SH3BP5: variants seen among roughly 807,000 people sequenced by gnomAD.
SH3BP5 encodes the protein SH3 domain-binding protein 5.
A neutral mutation model predicts 43.3 loss-of-function variants in SH3BP5; 22 were observed. The ratio of observed to expected loss-of-function variants is 0.51; its 90% CI spans 0.36 to 0.73. The LOEUF (loss-of-function observed/expected upper bound fraction) is 0.73. Among genes scored for constraint, SH3BP5 ranks in the 30% least tolerant of loss-of-function variants. SH3BP5 has a pLI of 0.00. For synonymous variants in SH3BP5, 255 were observed against 225.8 expected (o/e 1.13, Z -1.16); for missense variants, 529 against 586.9 (o/e 0.90, Z 1.02).
chr3:15,275,476 C>A (rs1354351150), intron 3 of SH3BP5, among the ~76,000 whole-genome samples: 1 of 152,202 alleles, frequency 6.6e-6, no homozygotes. Context: ...GTATTTAATA[C>A]ATTATTTGAA....
At chr3:15,326,657 C>T (rs909728917) in intron 2 of SH3BP5, among the ~76,000 whole-genome samples, 1 of 152,224 alleles carries the variant, frequency 6.6e-6, no homozygotes, top group Admixed American at 6.5e-5. Flanking sequence ...CCGACATACA[C>T]AGGAGCGACG....
At chr3:15,263,246 C>T (rs914662169) in intron 4 of SH3BP5, among the ~76,000 whole-genome samples, 2 of 152,238 alleles carry the variant, frequency 1.3e-5, no homozygotes, top group African/African-American at 4.8e-5. Flanking sequence ...TCCTCCCGTT[C>T]ACACCTTGGG....
intron 3 of SH3BP5, among the ~76,000 whole-genome samples, chr3:15,295,395 G>T (rs1230465258): frequency 6.6e-6 from 1 of 152,216 alleles, no homozygotes; most frequent in Non-Finnish European, 1.5e-5. Context: ...CTGCCTTCTT[G>T]TTTTGGCTCT....
At chr3:15,316,803 G>A (rs1267687346) in intron 2 of SH3BP5, among the ~76,000 whole-genome samples, 1 of 151,764 alleles carries the variant, frequency 6.6e-6, no homozygotes, top group Non-Finnish European at 1.5e-5. Context: ...AAACGTGACA[G>A]CAAGCACAGG....
chr3:15,330,073 A>T (rs896580423), intron 2 of SH3BP5, among the ~76,000 whole-genome samples: 11 of 152,388 alleles, frequency 7.2e-5, no homozygotes, highest in Non-Finnish European at 1.5e-4. Context: ...AGGACAGGAA[A>T]GTCAAGAAAT....
intron 2 of SH3BP5, among the ~76,000 whole-genome samples, chr3:15,309,834 C>T (rs1403208108): frequency 6.6e-6 from 1 of 152,030 alleles, no homozygotes; most frequent in Non-Finnish European, 1.5e-5. Context: ...GACTGGCTGA[C>T]TTCCAACCAC....
intron 2 of SH3BP5, among the ~76,000 whole-genome samples, chr3:15,320,640 A>ACACACACACACCCC (rs373879792): frequency 4.7e-5 from 7 of 149,558 alleles, no homozygotes; most frequent in African/African-American, 1.5e-4. Context: ...ACACACACAC[A>ACACACACACACCCC]CCCCACTACG....
chr3:15,340,651 C>T (rs919741768), intron 1 of SH3BP5, among the ~76,000 whole-genome samples: 2 of 151,754 alleles, frequency 1.3e-5, no homozygotes, highest in Non-Finnish European at 2.9e-5. Flanking sequence ...CTCAGGAGGC[C>T]GAATTGGGAG....
rs1375477680 is a variant in SH3BP5 at position 15,278,886 on chromosome 3, T to C, written c.331-9009A>G. On this transcript the variant is annotated intron_variant, in intron 3 of 8. Transcript: ENST00000383791. ...ATCAGTTTCTTAAAGATCTAAAAAT[T>C]TGGTGAGGCGTGGTAACTCATGCCT... Among the ~76,000 whole-genome samples, 12 of 152,254 alleles carry C rather than the reference T, an allele frequency of 7.9e-5. No individual in the cohort carries two copies. The East Asian group carries it at 2.3e-3, about 29-fold the overall frequency.
upstream of SH3BP5, among the ~76,000 whole-genome samples, chr3:15,332,914 T>G (rs934788679): frequency 1.3e-5 from 2 of 152,164 alleles, no homozygotes; most frequent in Non-Finnish European, 1.5e-5. Context: ...AAGCCTACGC[T>G]CAGTGACCCT....
At chr3:15,309,915 C>G (rs1018648205) in intron 2 of SH3BP5, among the ~76,000 whole-genome samples, 15 of 148,514 alleles carry the variant, frequency 1.0e-4, no homozygotes, top group Admixed American at 4.1e-4. Flanking sequence ...CACCCCCCCC[C>G]CATAAGAAAA....
At chr3:15,333,979 C>T (rs2124838135), upstream of SH3BP5, among the ~76,000 whole-genome samples, 1 of 152,336 alleles carries the variant, frequency 6.6e-6, no homozygotes, top group East Asian at 1.9e-4. Context: ...TCTCTGGTGG[C>T]TTGGAATTGA....
chr3:15,298,207 G>A (rs930150192), intron 3 of SH3BP5, among the ~76,000 whole-genome samples: 2 of 151,968 alleles, frequency 1.3e-5, no homozygotes, highest in Admixed American at 6.6e-5. Flanking sequence ...GCTTCAAGCA[G>A]TCCTCCCGCC....
upstream of SH3BP5, among the ~76,000 whole-genome samples, chr3:15,333,799 A>G (rs1285291615): frequency 1.3e-5 from 2 of 152,246 alleles, no homozygotes; most frequent in Non-Finnish European, 2.9e-5. Context: ...GTTTCTAAAA[A>G]GGTCAGACCT....
chr3:15,262,915 G>A (rs544683256), intron 4 of SH3BP5, among the ~76,000 whole-genome samples: 3 of 152,186 alleles, frequency 2.0e-5, no homozygotes, highest in Admixed American at 6.5e-5. Flanking sequence ...CCGAGATCAC[G>A]CCACTGCACT....
intron 3 of SH3BP5, among the ~76,000 whole-genome samples, chr3:15,299,788 C>A (rs1483353397): frequency 6.6e-6 from 1 of 150,614 alleles, no homozygotes. Flanking sequence ...GTACCCTCAA[C>A]TGAGACACTG....
chr3:15,259,843 T>TA, intron 5 of SH3BP5, 40 bp from the exon 6 acceptor site: 2 of 1,589,670 alleles, frequency 1.3e-6, no homozygotes, highest in Non-Finnish European at 8.6e-7. Flanking sequence ...AGTAATATAA[T>TA]ACAGTGACCA....
chr3:15,299,280 A>G (rs1559446748), intron 3 of SH3BP5, among the ~76,000 whole-genome samples: 2 of 152,130 alleles, frequency 1.3e-5, no homozygotes, highest in Non-Finnish European at 2.9e-5. Flanking sequence ...AAAACTCTCA[A>G]ATCAAAGCCA....
intron 3 of SH3BP5, among the ~76,000 whole-genome samples, chr3:15,281,595 C>A (rs1406784931): frequency 6.6e-6 from 1 of 152,166 alleles, no homozygotes; most frequent in Non-Finnish European, 1.5e-5. Context: ...GGGTTGCGAG[C>A]ATAACACCCA....
Sources: allele counts gnomAD v4.1 joint callset (sites outside exome capture counted in the v4.1 genomes callset), GRCh38; gene constraint gnomAD v4.1.1; transcripts MANE v1.5; gene names NCBI Gene and HGNC (gene_info 2026-07-23, HGNC 2026-07-21).